Variants in CDK8 observed in about 807,000 individuals in gnomAD.
The protein encoded by CDK8 is cyclin-dependent kinase 8.
CDK8 carries 29 observed loss-of-function variants against 71.5 expected under a neutral mutation model. That is an observed-to-expected ratio of 0.41 (90% CI 0.30 to 0.55). The LOEUF is 0.55. Ranked by LOEUF, CDK8 falls within the 20% of genes least tolerant of loss-of-function variation. CDK8 has a pLI of 0.37. For missense variants in CDK8, 288 were observed against 572.6 expected (o/e 0.50, Z 5.07); for synonymous variants, 161 against 192.1 (o/e 0.84, Z 1.34).
chr13:26,293,376 G>T (rs974787107), intron 1 of CDK8, among the ~76,000 whole-genome samples: 4 of 152,070 alleles, frequency 2.6e-5, no homozygotes, highest in African/African-American at 9.7e-5. Flanking sequence ...GCCAAGGCGG[G>T]TGGATTGCCT....
At chr13:26,365,855 A>AC (rs1383553074) in intron 4 of CDK8, among the ~76,000 whole-genome samples, 1 of 151,962 alleles carries the variant, frequency 6.6e-6, no homozygotes, top group African/African-American at 2.4e-5. Context: ...ATTAATGGTG[A>AC]CCCCTCAGTT....
At position 26,333,029 on chromosome 13, in the gene CDK8, G is replaced by A. The variant is rs141811628; in HGVS notation, c.129-4538G>A. 4.7e-3 allele frequency among the ~76,000 whole-genome samples: 712 copies of A among 152,270 alleles called. 5 individuals are homozygous for A. Among genetic ancestry groups the A allele is most frequent in the African/African-American group, 0.016 (663 of 41,542 alleles). On this transcript the variant is annotated intron_variant, in intron 1 of 12. Coordinates refer to ENST00000381527, the MANE Select transcript of CDK8 (RefSeq NM_001260.3). ...TGACAGGCCGTAGTCACATGCAGGT[G>A]CATAACACACCGTTGATTCTGCGTC...
chr13:26,292,224 G>T (rs986161390), intron 1 of CDK8, among the ~76,000 whole-genome samples: 1 of 152,100 alleles, frequency 6.6e-6, no homozygotes, highest in Non-Finnish European at 1.5e-5. Context: ...TCATCCAGGG[G>T]TGCAGGTGCC....
intron 1 of CDK8, among the ~76,000 whole-genome samples, chr13:26,333,144 C>T (rs952253883): frequency 2.8e-4 from 41 of 146,426 alleles, no homozygotes; most frequent in African/African-American, 9.0e-4. Context: ...TATATACCTT[C>T]TTTTTTTTTT....
In CDK8 at chr13:26,254,669, A is replaced by T. The variant is rs2137842533; in HGVS notation, c.28A>T (p.Ser10Cys). 1 of 1,611,462 alleles carries T rather than the reference A, an allele frequency of 6.2e-7. No homozygotes were observed. The highest frequency in any genetic ancestry group is 8.5e-7 in the Non-Finnish European group (1 of 1,178,630). The stretch of plus-strand genomic sequence containing the variant: ...GGACTATGACTTTAAAGTGAAGCTG[A>T]GCAGCGAGCGGGAGCGGGTCGAGGA... Reference protein sequence around the residue: MDYDFKVKLSSERERVEDLF... With the variant: MDYDFKVKLCSERERVEDLF... Residue 10 changes from serine to cysteine, a missense_variant, in exon 1 of 13, where the codon AGC becomes TGC. Ser to Cys is a moderately radical substitution (Grantham distance 112). Coordinates refer to ENST00000381527, the MANE Select transcript of CDK8 (RefSeq NM_001260.3). This position sits in a 1 kb window ranked among gnomAD's most constrained non-coding sequence, Gnocchi z 6.7.
intron 9 of CDK8, among the ~76,000 whole-genome samples, chr13:26,398,029 A>G (rs559393884): frequency 1.3e-5 from 2 of 152,134 alleles, no homozygotes; most frequent in East Asian, 3.9e-4. Context: ...CTTTATTGCA[A>G]CCAGGCCATT....
chr13:26,287,343 A>C (rs1873070269), intron 1 of CDK8, among the ~76,000 whole-genome samples: 1 of 152,132 alleles, frequency 6.6e-6, no homozygotes. Flanking sequence ...ATCTCGGCTC[A>C]CTGCAACCTC....
intron 2 of CDK8, among the ~76,000 whole-genome samples, chr13:26,343,842 C>CA (rs754263356): frequency 4.6e-5 from 7 of 151,972 alleles, no homozygotes; most frequent in Non-Finnish European, 8.8e-5. Flanking sequence ...TACACCTGTA[C>CA]AAAAAATTTG....
At chr13:26,366,804 A>G (rs1278078259) in intron 4 of CDK8, among the ~76,000 whole-genome samples, 1 of 152,198 alleles carries the variant, frequency 6.6e-6, no homozygotes, top group East Asian at 1.9e-4. Context: ...ATAGATTGCT[A>G]ATTTTTAAAA....
chr13:26,367,975 C>A (rs1345946957), intron 4 of CDK8, among the ~76,000 whole-genome samples: 1 of 152,146 alleles, frequency 6.6e-6, no homozygotes, highest in African/African-American at 2.4e-5. Context: ...CTTATTAGCC[C>A]AGTGTCCCTG....
At chr13:26,387,884 T>C (rs75235416) in intron 6 of CDK8, among the ~76,000 whole-genome samples, 1 of 152,220 alleles carries the variant, frequency 6.6e-6, no homozygotes, top group Admixed American at 6.5e-5. Flanking sequence ...ATTGTCTTCA[T>C]TGACTCAAAG....
At chr13:26,256,777 G>T (rs1263450838) in intron 1 of CDK8, among the ~76,000 whole-genome samples, 1 of 152,100 alleles carries the variant, frequency 6.6e-6, no homozygotes, top group African/African-American at 2.4e-5. Flanking sequence ...TTGGAAAAAA[G>T]AACTTATTAT....
intron 9 of CDK8, among the ~76,000 whole-genome samples, chr13:26,399,805 A>G (rs192261109): frequency 5.3e-5 from 8 of 152,356 alleles, no homozygotes; most frequent in Admixed American, 3.3e-4. Flanking sequence ...AACTTATCCA[A>G]TGTCACGCAG....
chr13:26,340,279 G>A (rs943269377), intron 2 of CDK8, among the ~76,000 whole-genome samples: 2 of 151,908 alleles, frequency 1.3e-5, no homozygotes, highest in Admixed American at 1.3e-4. Flanking sequence ...TAAACGTGAG[G>A]TATTTCTAGA....
chr13:26,362,756 A>C (rs538553128), intron 4 of CDK8, among the ~76,000 whole-genome samples: 4 of 152,306 alleles, frequency 2.6e-5, no homozygotes, highest in Non-Finnish European at 4.4e-5. Context: ...GGTATTCTTT[A>C]GTCAAGTTGA....
chr13:26,396,953 C>T (rs889676144), intron 8 of CDK8, among the ~76,000 whole-genome samples, 200 bp from the exon 9 acceptor site: 1 of 151,970 alleles, frequency 6.6e-6, no homozygotes, highest in African/African-American at 2.4e-5. Flanking sequence ...ATTTAATCAT[C>T]GGTATCCTTT....
At chr13:26,316,356 T>C (rs1291289961) in intron 1 of CDK8, among the ~76,000 whole-genome samples, 3 of 151,742 alleles carry the variant, frequency 2.0e-5, no homozygotes, top group African/African-American at 7.3e-5. Context: ...TGAGACCCTG[T>C]CGCAACAACA....
intron 1 of CDK8, among the ~76,000 whole-genome samples, chr13:26,282,002 C>T (rs1872771959): frequency 6.6e-6 from 1 of 151,566 alleles, no homozygotes; most frequent in Non-Finnish European, 1.5e-5. Flanking sequence ...CAAATTAACC[C>T]AATCAGACAA....
chr13:26,329,954 ACT>A (rs1875232110), intron 1 of CDK8, among the ~76,000 whole-genome samples: 1 of 152,102 alleles, frequency 6.6e-6, no homozygotes, highest in Non-Finnish European at 1.5e-5. Context: ...TTTTGTATAT[ACT>A]GTTTCCACTT....
Sources: gnomAD v4.1 joint callset for allele counts (sites outside exome capture counted in the v4.1 genomes callset) on GRCh38, gnomAD v4.1.1 for gene constraint, Gnocchi (gnomAD v3.1) non-coding constraint, MANE v1.5 for transcripts, NCBI Gene and HGNC (gene_info 2026-07-23, HGNC 2026-07-21) for gene names.